SPEF2: variants seen among roughly 807,000 people sequenced by gnomAD.
The protein encoded by SPEF2 is sperm flagellar and cilia associated 2, also known as sperm flagella and cilia-associated protein 2.
A neutral mutation model predicts 224.6 loss-of-function variants in SPEF2; 187 were observed. The ratio of observed to expected loss-of-function variants is 0.83; its 90% CI spans 0.74 to 0.94. The LOEUF is 0.94. SPEF2 is among the 40% of genes least tolerant of loss of function. SPEF2 has a pLI of 0.00. For missense variants in SPEF2, 2,170 were observed against 2,135.6 expected (o/e 1.02, Z -0.32); for synonymous variants, 715 against 707.3 (o/e 1.01, Z -0.17).
intron 10 of SPEF2, among the ~76,000 whole-genome samples, 180 bp from the exon 11 acceptor site, chr5:35,690,857 A>G (rs943643770): frequency 2.6e-5 from 4 of 151,968 alleles, no homozygotes; most frequent in Non-Finnish European, 5.9e-5. Context: ...TGTAGAAAGC[A>G]TTTTTCTGCC....
intron 2 of SPEF2, among the ~76,000 whole-genome samples, chr5:35,632,666 A>T (rs1320747927): frequency 6.6e-6 from 1 of 151,574 alleles, no homozygotes; most frequent in African/African-American, 2.4e-5. Context: ...TTTTTATTTG[A>T]GATTTTCTTT....
intron 36 of SPEF2, chr5:35,808,043 T>G (rs1758284566): frequency 8.9e-7 from 1 of 1,129,646 alleles, no homozygotes. Context: ...TTTGATAGAA[T>G]GTAGATTGTG....
intron 33 of SPEF2, among the ~76,000 whole-genome samples, chr5:35,798,506 T>G (rs112333592): frequency 0.015 from 2,218 of 152,318 alleles, 46 homozygotes; most frequent in African/African-American, 0.05. Flanking sequence ...AATCTCAATC[T>G]TGCTGTCTAG....
chr5:35,692,654 T>C lies in SPEF2; in HGVS notation c.1829T>C (p.Val610Ala), dbSNP rs1283694713. 6.2e-7 allele frequency: 1 copy of C among 1,613,798 alleles called. No individual in the cohort carries two copies. Among genetic ancestry groups the C allele is most frequent in the African/African-American group, 1.3e-5 (1 of 75,026 alleles). Residue 610 changes from valine to alanine, a missense_variant, in exon 12 of 37, where the codon GTT becomes GCT. Coordinates refer to ENST00000356031, the MANE Select transcript of SPEF2 (RefSeq NM_024867.4). ...CATGACAATGAAAAAGTCAGTGAGGTTCTACCAATTCAGAAAAATGATGAA... is the reference window on the plus strand; with the variant it reads ...CATGACAATGAAAAAGTCAGTGAGGCTCTACCAATTCAGAAAAATGATGAA... ...AFHDNEKVSE[V>A]LPIQKNDEED...
intron 34 of SPEF2, 119 bp downstream of exon 34, chr5:35,800,266 A>G: frequency 9.0e-7 from 1 of 1,107,188 alleles, no homozygotes; most frequent in Non-Finnish European, 1.3e-6. Context: ...GTGTAATATG[A>G]TGCTTTACAC....
At chr5:35,759,005 CAAAAAAAAAAAA>C (rs57893412) in intron 24 of SPEF2, among the ~76,000 whole-genome samples, 1 of 51,352 alleles carries the variant, frequency 1.9e-5, no homozygotes, top group African/African-American at 8.8e-5. Context: ...GACTCTGTCT[CAAAAAAAAAAAA>C]AAAAAAAAAA....
At chr5:35,685,703 T>C (rs1402953893) in intron 10 of SPEF2, among the ~76,000 whole-genome samples, 1 of 152,032 alleles carries the variant, frequency 6.6e-6, no homozygotes, top group African/African-American at 2.4e-5. Context: ...GTAATATTTA[T>C]AAATCACACA....
intron 2 of SPEF2, among the ~76,000 whole-genome samples, chr5:35,632,326 AT>A (rs1745254390): frequency 6.6e-6 from 1 of 152,204 alleles, no homozygotes; most frequent in African/African-American, 2.4e-5. Flanking sequence ...AAGCAAACAC[AT>A]CCTTTTTCAG....
chr5:35,664,278 G>GAAA (rs10674710), intron 8 of SPEF2, among the ~76,000 whole-genome samples: 34 of 115,038 alleles, frequency 3.0e-4, no homozygotes, highest in African/African-American at 5.3e-4. Context: ...ATGAAATAAA[G>GAAA]AAAAAAAAAA....
At position 35,814,535 on chromosome 5, in the gene SPEF2, TAC is replaced by T. The variant is rs1325872418; in HGVS notation, c.5453_5454del (p.Thr1818ArgfsTer?). On this transcript the variant is annotated frameshift_variant, in exon 37 of 37. Coordinates refer to ENST00000356031, the MANE Select transcript of SPEF2 (RefSeq NM_024867.4). LOFTEE classifies it high-confidence loss of function. ...ATGGAGAGAGATCACCTTCAAGACA[TAC>T]AGAGGAAAAGAAATGAAGACAAAAG... ...SDGERSPSRHTEEKK is the reference protein window; with the variant it reads ...SDGERSPSRHXEEKK The T allele has an allele frequency of 6.2e-7, 1 of 1,605,014 alleles. No homozygotes were observed. Among genetic ancestry groups the T allele is most frequent in the Non-Finnish European group, 8.5e-7 (1 of 1,175,114 alleles).
At chr5:35,737,678 A>G (rs372564313) in intron 21 of SPEF2, among the ~76,000 whole-genome samples, 1 of 152,076 alleles carries the variant, frequency 6.6e-6, no homozygotes, top group Non-Finnish European at 1.5e-5. Flanking sequence ...AAACATACGT[A>G]TGCATGTGTC....
chr5:35,773,847 C>T, intron 27 of SPEF2, 46 bp from the exon 28 acceptor site: 4 of 1,588,578 alleles, frequency 2.5e-6, no homozygotes, highest in Non-Finnish European at 3.4e-6. Context: ...ATGTGCACAC[C>T]TTTGTATTTT....
intron 15 of SPEF2, chr5:35,700,169 T>G (rs1166957894): frequency 4.1e-6 from 1 of 243,338 alleles, no homozygotes; most frequent in African/African-American, 2.2e-5. Context: ...TAAGACCAAT[T>G]AAATCTCTTT....
chr5:35,680,156 AC>A, intron 10 of SPEF2, among the ~76,000 whole-genome samples: 1 of 152,214 alleles, frequency 6.6e-6, no homozygotes, highest in Non-Finnish European at 1.5e-5. Flanking sequence ...TGTTAGAAAG[AC>A]CCAAATTAAT....
intron 11 of SPEF2, among the ~76,000 whole-genome samples, chr5:35,691,849 A>C (rs951133929): frequency 1.3e-5 from 2 of 151,944 alleles, no homozygotes; most frequent in African/African-American, 4.8e-5. Flanking sequence ...GCCCAGGATG[A>C]AGTGCAGTGG....
At chr5:35,728,674 G>A (rs781273624) in intron 21 of SPEF2, among the ~76,000 whole-genome samples, 76 of 152,124 alleles carry the variant, frequency 5.0e-4, no homozygotes, top group Admixed American at 2.6e-4. Flanking sequence ...TAGGAACATG[G>A]AATAATTCAA....
At chr5:35,624,148 C>G (rs1431114670) in intron 1 of SPEF2, among the ~76,000 whole-genome samples, 1 of 152,148 alleles carries the variant, frequency 6.6e-6, no homozygotes, top group Non-Finnish European at 1.5e-5. Context: ...GATCATTTCA[C>G]CTGCTGTCCC....
intron 21 of SPEF2, among the ~76,000 whole-genome samples, chr5:35,734,709 C>CT (rs869188623): frequency 0.021 from 669 of 31,204 alleles, 9 homozygotes; most frequent in African/African-American, 0.059. Flanking sequence ...TCTTTTTTTT[C>CT]TTTTTTTTTT....
At position 35,627,063 on chromosome 5, in the gene SPEF2, T is replaced by G. The variant is rs867987289; in HGVS notation, c.59-1397T>G. Among the ~76,000 whole-genome samples, 4 of 151,064 alleles carry G rather than the reference T, an allele frequency of 2.6e-5. No homozygotes were observed. In the South Asian group the frequency reaches 8.3e-4, roughly 31 times the overall value. On this transcript the variant is annotated intron_variant, in intron 1 of 36. Transcript: ENST00000356031. ...TGACATATAATATTTTAACCGATGT[T>G]AAAATATTATATTTAATATAATATG...
Sources: gnomAD v4.1 joint callset for allele counts (sites outside exome capture counted in the v4.1 genomes callset) on GRCh38, gnomAD v4.1.1 for gene constraint, MANE v1.5 for transcripts, NCBI Gene and HGNC (gene_info 2026-07-23, HGNC 2026-07-21) for gene names.